KCNIP1: variants seen among roughly 807,000 people sequenced by gnomAD.
The protein encoded by KCNIP1 is A-type potassium channel modulatory protein KCNIP1.
In KCNIP1, 18 loss-of-function variants were observed where a neutral mutation model predicts 33.0. That is an observed-to-expected ratio of 0.55 (90% CI 0.38 to 0.81). The LOEUF (loss-of-function observed/expected upper bound fraction) is 0.81. Ranked by LOEUF, KCNIP1 falls within the 30% of genes least tolerant of loss-of-function variation. KCNIP1 has a pLI of 0.00. For missense variants in KCNIP1, 238 were observed against 271.6 expected (o/e 0.88, Z 0.87); for synonymous variants, 93 against 98.3 (o/e 0.95, Z 0.32).
At chr5:170,463,218 C>T (rs556013273) in intron 1 of KCNIP1, among the ~76,000 whole-genome samples, 9 of 152,312 alleles carry the variant, frequency 5.9e-5, no homozygotes, top group Admixed American at 1.3e-4. Context: ...TAAGCCCAGA[C>T]AGCTTCACTG....
intron 1 of KCNIP1, among the ~76,000 whole-genome samples, chr5:170,405,298 G>T (rs565843412): frequency 6.6e-6 from 1 of 151,986 alleles, no homozygotes; most frequent in East Asian, 1.9e-4. Flanking sequence ...GGTATCAAGC[G>T]ATTCTCCTAC....
intron 1 of KCNIP1, among the ~76,000 whole-genome samples, chr5:170,612,310 C>A (rs1464677610): frequency 6.6e-6 from 1 of 152,236 alleles, no homozygotes; most frequent in Admixed American, 6.5e-5. Context: ...GGCCAGCCAG[C>A]TGTGCAAAAT....
intron 1 of KCNIP1, among the ~76,000 whole-genome samples, chr5:170,639,882 A>G (rs1454760686): frequency 2.0e-5 from 3 of 152,260 alleles, no homozygotes; most frequent in African/African-American, 7.2e-5. Flanking sequence ...AGAGAAGTTG[A>G]TTTCTTTCAC....
At chr5:170,602,208 A>T (rs1453329153) in intron 1 of KCNIP1, among the ~76,000 whole-genome samples, 3 of 152,152 alleles carry the variant, frequency 2.0e-5, no homozygotes, top group African/African-American at 7.2e-5. Flanking sequence ...ATACTTATAA[A>T]TGGGGTCCTG....
chr5:170,616,119 T>C (rs953084571), intron 1 of KCNIP1, among the ~76,000 whole-genome samples: 3 of 152,196 alleles, frequency 2.0e-5, no homozygotes, highest in Non-Finnish European at 2.9e-5. Flanking sequence ...TTCCAATGGC[T>C]GATGATGGAA....
intron 1 of KCNIP1, among the ~76,000 whole-genome samples, chr5:170,393,084 A>T (rs1480396295): frequency 6.6e-6 from 1 of 152,186 alleles, no homozygotes; most frequent in Non-Finnish European, 1.5e-5. Flanking sequence ...TCACGCCCCT[A>T]GCGTGTGATG....
intron 4 of KCNIP1, 89 bp downstream of exon 4, chr5:170,721,992 C>T: frequency 7.0e-7 from 1 of 1,429,486 alleles, no homozygotes; most frequent in Non-Finnish European, 9.7e-7. Context: ...AAGGTCTGGA[C>T]CATCAAAAGC....
intron 1 of KCNIP1, among the ~76,000 whole-genome samples, chr5:170,399,766 T>A (rs367906736): frequency 6.6e-6 from 1 of 152,246 alleles, no homozygotes; most frequent in East Asian, 1.9e-4. Context: ...CATATAGATA[T>A]GTCATAAAAT....
chr5:170,495,065 A>C (rs190229329), intron 1 of KCNIP1, among the ~76,000 whole-genome samples: 1 of 152,316 alleles, frequency 6.6e-6, no homozygotes, highest in Admixed American at 6.5e-5. Flanking sequence ...CACTGAACTT[A>C]ATTTCTACTC....
chr5:170,369,233 C>T (rs1280872068), intron 1 of KCNIP1, among the ~76,000 whole-genome samples: 1 of 152,188 alleles, frequency 6.6e-6, no homozygotes. Flanking sequence ...TCAGATTCTT[C>T]ATCAGTAAAA....
intron 1 of KCNIP1, among the ~76,000 whole-genome samples, chr5:170,528,012 G>A (rs1755643807): frequency 6.6e-6 from 1 of 152,022 alleles, no homozygotes; most frequent in African/African-American, 2.4e-5. Context: ...GTGGGACATG[G>A]CATGCTGCAG....
intron 6 of KCNIP1, 132 bp from the exon 7 acceptor site, chr5:170,733,704 G>A (rs960000633): frequency 3.4e-5 from 24 of 697,612 alleles, no homozygotes; most frequent in Non-Finnish European, 5.2e-5. Context: ...CATTCTCAGG[G>A]CAAAGTTGGT....
At chr5:170,503,724 TCACACACA>T (rs70979180), upstream of KCNIP1, among the ~76,000 whole-genome samples, 20,926 of 136,610 alleles carry the variant, frequency 0.15, 1,789 homozygotes, top group East Asian at 0.32. Flanking sequence ...CGCACGCACA[TCACACACA>T]CACACACACA....
intron 1 of KCNIP1, among the ~76,000 whole-genome samples, chr5:170,686,141 G>T: frequency 6.6e-6 from 1 of 152,110 alleles, no homozygotes; most frequent in East Asian, 1.9e-4. Context: ...ACATAAGGAG[G>T]ATCACCATCT....
intron 1 of KCNIP1, among the ~76,000 whole-genome samples, chr5:170,572,593 T>C (rs1169461136): frequency 6.6e-6 from 1 of 152,222 alleles, no homozygotes; most frequent in African/African-American, 2.4e-5. Flanking sequence ...TGCCATAGGA[T>C]CAAATGCTTC....
intron 1 of KCNIP1, among the ~76,000 whole-genome samples, chr5:170,390,517 A>AAAAAAAAAATATATATATATATATAT: frequency 6.7e-5 from 5 of 74,548 alleles, no homozygotes; most frequent in East Asian, 4.1e-4. Flanking sequence ...AAAAAAAACA[A>AAAAAAAAAATATATATATATATATAT]ATATATATAT....
chr5:170,555,359 G>T (rs1756809056), intron 1 of KCNIP1, among the ~76,000 whole-genome samples: 1 of 152,210 alleles, frequency 6.6e-6, no homozygotes, highest in African/African-American at 2.4e-5. Context: ...TACCCCTCCA[G>T]GAGCCAGCAT....
chr5:170,624,723 C>CA (rs1461838430), intron 1 of KCNIP1, among the ~76,000 whole-genome samples: 1 of 34,614 alleles, frequency 2.9e-5, no homozygotes, highest in Non-Finnish European at 5.3e-5. Context: ...GGAAAGGAGA[C>CA]CGGGGAGGTG....
chr5:170,723,377 T>G (rs1191268491), intron 5 of KCNIP1, among the ~76,000 whole-genome samples: 3 of 152,166 alleles, frequency 2.0e-5, no homozygotes, highest in Non-Finnish European at 4.4e-5. Context: ...TCAGAGGACA[T>G]GTCTCTAGCC....
Sources: gnomAD v4.1 joint callset for allele counts (sites outside exome capture counted in the v4.1 genomes callset) on GRCh38, gnomAD v4.1.1 for gene constraint, MANE v1.5 for transcripts, NCBI Gene and HGNC (gene_info 2026-07-23, HGNC 2026-07-21) for gene names.